The following GTF3C1 variants were observed in gnomAD, a reference collection of about 807,000 sequenced individuals.
GTF3C1 encodes the protein general transcription factor 3C polypeptide 1.
GTF3C1 carries 57 observed loss-of-function variants against 226.7 expected under a neutral mutation model. That is an observed-to-expected ratio of 0.25 (90% CI 0.20 to 0.31). GTF3C1 has a LOEUF of 0.31. GTF3C1 is among the 10% of genes least tolerant of loss of function. GTF3C1 has a pLI of 1.00. For missense variants in GTF3C1, 2,217 were observed against 2,776.1 expected (o/e 0.80, Z 4.53); for synonymous variants, 1,090 against 1,084.8 (o/e 1.00, Z -0.09).
chr16:27,507,180 TC>T lies in GTF3C1; in HGVS notation c.1243-25del. The T allele has an allele frequency of 2.6e-6, 4 of 1,555,866 alleles. No individual in the cohort carries two copies. Among genetic ancestry groups the T allele is most frequent in the Non-Finnish European group, 3.5e-6 (4 of 1,141,928 alleles). Reference sequence around the variant, plus strand: ...CCCTAGAGGGAATAAGATGTGTTTATCCCACTGCAAAGAGGGCGTCATACCC... The same window carrying T: ...CCCTAGAGGGAATAAGATGTGTTTATCCACTGCAAAGAGGGCGTCATACCC... On this transcript the variant is annotated intron_variant, in intron 8 of 36. Coordinates refer to ENST00000356183, the MANE Select transcript of GTF3C1 (RefSeq NM_001520.4). The surrounding 1 kb of genome is among the most constrained non-coding windows in gnomAD (Gnocchi z 4.9).
In GTF3C1 at chr16:27,464,481, C is replaced by T; in HGVS notation, c.5711G>A (p.Gly1904Glu). 9 of 1,555,050 alleles carry T rather than the reference C, an allele frequency of 5.8e-6. No individual in the cohort carries two copies. The highest frequency in any genetic ancestry group is 7.8e-6 in the Non-Finnish European group (9 of 1,154,750). The change falls in exon 34 of 37, where the codon GGG becomes GAG. Residue 1904 changes from glycine (G) to glutamate (E), a missense_variant. This residue lies in a region of GTF3C1 where 455 missense variants were observed against 441.9 expected (regional missense o/e 1.03). Transcript: ENST00000356183. ...TGGAGATGGGGCCTGGGCTTCTGCC[C>T]CATCTTCAGCTCCGGGCCCAAGGCT... The part of the protein sequence containing the change: ...APSLGPGAED[G>E]AEAQAPSPPP...
At chr16:27,546,275 C>G (rs2089160638) in intron 1 of GTF3C1, among the ~76,000 whole-genome samples, 2 of 152,024 alleles carry the variant, frequency 1.3e-5, no homozygotes, top group Non-Finnish European at 2.9e-5. Flanking sequence ...ATCCTCAGTC[C>G]TTTTTCTCCA....
At chr16:27,494,358 G>A (rs564481822) in intron 16 of GTF3C1, among the ~76,000 whole-genome samples, 30 of 147,254 alleles carry the variant, frequency 2.0e-4, no homozygotes, top group African/African-American at 6.0e-4. Context: ...CAGAGATCGC[G>A]CCACTGCACT....
chr16:27,502,723 G>A, intron 11 of GTF3C1, 136 bp downstream of exon 11: 1 of 889,214 alleles, frequency 1.1e-6, no homozygotes, highest in Non-Finnish European at 1.7e-6. Flanking sequence ...CTACCGCAAA[G>A]GAACGAGATG....
intron 27 of GTF3C1, among the ~76,000 whole-genome samples, chr16:27,479,227 A>G (rs1229388589): frequency 1.3e-5 from 2 of 152,350 alleles, no homozygotes; most frequent in Admixed American, 6.5e-5. Flanking sequence ...CCATAAATAT[A>G]TAAAATTATT....
chr16:27,478,379 T>C, intron 28 of GTF3C1, 90 bp downstream of exon 28: 1 of 899,180 alleles, frequency 1.1e-6, no homozygotes, highest in Non-Finnish European at 1.9e-6. Context: ...GTGGGCTGGA[T>C]TTGGCCCTAG....
At chr16:27,491,455 T>G (rs561450921) in intron 19 of GTF3C1, among the ~76,000 whole-genome samples, 2 of 152,166 alleles carry the variant, frequency 1.3e-5, no homozygotes, top group Non-Finnish European at 2.9e-5. Flanking sequence ...CGACACATCA[T>G]GGGGATGGAA....
In GTF3C1 at chr16:27,464,356, G is replaced by C; in HGVS notation, c.5836C>G (p.Gln1946Glu). The part of the protein sequence containing the change: ...SSPGQEQLSG[Q>E]AQPPEGSEDP... Reference sequence around the variant, plus strand: ...TCAGAGCCCTCTGGAGGCTGCGCCTGGCCGCTCAGCTGCTCTTGGCCTGGG... The same window carrying C: ...TCAGAGCCCTCTGGAGGCTGCGCCTCGCCGCTCAGCTGCTCTTGGCCTGGG... The change falls in exon 34 of 37, where the codon CAG (glutamine) becomes GAG (glutamate). Residue 1946 changes from glutamine to glutamate, a missense_variant. Gln to Glu is a conservative substitution (Grantham distance 29). Coordinates refer to ENST00000356183, the MANE Select transcript of GTF3C1 (RefSeq NM_001520.4). 6.5e-7 allele frequency: 1 copy of C among 1,550,222 alleles called. No homozygotes were observed. Among genetic ancestry groups the C allele is most frequent in the Non-Finnish European group, 8.7e-7 (1 of 1,152,380 alleles).
At chr16:27,549,639 G>GC in intron 1 of GTF3C1, 31 bp downstream of exon 1, 1 of 480,248 alleles carries the variant, frequency 2.1e-6, no homozygotes. Context: ...GCGCCCGCCC[G>GC]CCCGCCCGCC....
chr16:27,536,142 T>C (rs1382690295), intron 4 of GTF3C1, among the ~76,000 whole-genome samples: 4 of 152,252 alleles, frequency 2.6e-5, no homozygotes, highest in Non-Finnish European at 5.9e-5. Context: ...TAAACGTATT[T>C]TCTTAATAAC....
At chr16:27,508,994 C>T (rs1414258529) in intron 7 of GTF3C1, among the ~76,000 whole-genome samples, 4 of 152,196 alleles carry the variant, frequency 2.6e-5, no homozygotes, top group Admixed American at 2.0e-4. Flanking sequence ...TTAGCCCTTT[C>T]GCATGAATGA....
chr16:27,494,728 G>A (rs749989006), intron 16 of GTF3C1, 35 bp downstream of exon 16: 1 of 1,561,180 alleles, frequency 6.4e-7, no homozygotes, highest in Non-Finnish European at 8.8e-7. Context: ...GAGCTGAGGG[G>A]CAATTCCTGT....
intron 6 of GTF3C1, among the ~76,000 whole-genome samples, chr16:27,522,368 C>T (rs999540239): frequency 6.6e-6 from 1 of 152,238 alleles, no homozygotes; most frequent in Non-Finnish European, 1.5e-5. Flanking sequence ...ACTGACCACG[C>T]CTTCCCCATC....
At chr16:27,499,243 T>C (rs532734376) in intron 12 of GTF3C1, among the ~76,000 whole-genome samples, 23 of 152,370 alleles carry the variant, frequency 1.5e-4, no homozygotes, top group African/African-American at 4.8e-4. Context: ...GAGCTGCTTT[T>C]GTTGTTTTAC....
chr16:27,466,083 C>CTAGA (rs2087782625), intron 32 of GTF3C1: 3 of 157,932 alleles, frequency 1.9e-5, no homozygotes, highest in Admixed American at 1.8e-4. Flanking sequence ...AGTCCAAACT[C>CTAGA]CAAAGTATAG....
Position 27,464,367 on chromosome 16 carries a change from T to C in GTF3C1, c.5825A>G (p.Gln1942Arg), listed in dbSNP as rs746869438. 12 of 1,564,850 alleles carry C rather than the reference T, an allele frequency of 7.7e-6. No homozygotes were observed. The highest frequency in any genetic ancestry group is 2.0e-5 in the Admixed American group (1 of 50,396). The change falls in exon 34 of 37, where the codon CAG (glutamine) becomes CGG (arginine). Residue 1942 changes from glutamine (Q) to arginine (R), a missense_variant. This residue lies in a region of GTF3C1 where 455 missense variants were observed against 441.9 expected (regional missense o/e 1.03). Coordinates refer to ENST00000356183, the MANE Select transcript of GTF3C1 (RefSeq NM_001520.4). ...TGGAGGCTGCGCCTGGCCGCTCAGCTGCTCTTGGCCTGGGGAACTGAACTC... is the reference window on the plus strand; with the variant it reads ...TGGAGGCTGCGCCTGGCCGCTCAGCCGCTCTTGGCCTGGGGAACTGAACTC... Reference protein sequence around the residue: ...VGEFSSPGQEQLSGQAQPPEG... With the variant: ...VGEFSSPGQERLSGQAQPPEG...
At chr16:27,474,462 T>C (rs2087923855) in intron 29 of GTF3C1, among the ~76,000 whole-genome samples, 1 of 152,038 alleles carries the variant, frequency 6.6e-6, no homozygotes, top group South Asian at 2.1e-4. Context: ...GTGGGAAGGA[T>C]CCCCAAAGTC....
At chr16:27,522,679 G>A (rs1395815064) in intron 6 of GTF3C1, among the ~76,000 whole-genome samples, 1 of 152,222 alleles carries the variant, frequency 6.6e-6, no homozygotes, top group East Asian at 1.9e-4. Context: ...GGAATCAGTA[G>A]ATTCGTCTGG....
At chr16:27,484,423 A>T in intron 24 of GTF3C1, 70 bp from the exon 25 acceptor site, 2 of 1,110,622 alleles carry the variant, frequency 1.8e-6, no homozygotes. Flanking sequence ...AATTACCATA[A>T]AAAAGTGGAC....
Sources: gnomAD v4.1 joint callset for allele counts (sites outside exome capture counted in the v4.1 genomes callset) on GRCh38, gnomAD v4.1.1 for gene constraint, gnomAD v4.1.1 regional missense constraint, Gnocchi (gnomAD v3.1) non-coding constraint, MANE v1.5 for transcripts, NCBI Gene and HGNC (gene_info 2026-07-23, HGNC 2026-07-21) for gene names.